TCEA1: variants seen among roughly 807,000 people sequenced by gnomAD.
The protein encoded by TCEA1 is transcription elongation factor A protein 1.
TCEA1 carries 21 observed loss-of-function variants against 43.8 expected under a neutral mutation model. That is an observed-to-expected ratio of 0.48 (90% CI 0.34 to 0.69). The LOEUF is 0.69. TCEA1 is among the 30% of genes least tolerant of loss of function. The pLI is 0.01. For missense variants in TCEA1, 250 were observed against 365.1 expected (o/e 0.68, Z 2.57); for synonymous variants, 104 against 117.5 (o/e 0.88, Z 0.75).
rs370916944 is a variant in TCEA1, at chr8:54,022,434, G to A, written c.-309C>T. The A allele has an allele frequency of 1.0e-3, 453 of 444,730 alleles. 4 individuals are homozygous for A. In the East Asian group the frequency reaches 0.017, roughly 17 times the overall value. 27.5% of individuals were successfully genotyped at this position (444,730 alleles called of 1,614,324 possible). A position where few individuals can be genotyped will look rare whatever the true frequency, so the allele number is the denominator to read the frequency against. ...AGGCGGGCGTCGGGCTAGTGGGCAG[G>A]CGTGGCTTCCGGCTAGAGGGTCGTG... On this transcript the variant is annotated 5_prime_UTR_variant, in exon 1 of 10. Coordinates refer to ENST00000521604, the MANE Select transcript of TCEA1 (RefSeq NM_006756.4).
At chr8:53,971,712 G>T in intron 8 of TCEA1, 1 of 202,812 alleles carries the variant, frequency 4.9e-6, no homozygotes. Flanking sequence ...TTCAGATTCT[G>T]ATTCTGATCT....
chr8:54,010,062 G>T, intron 2 of TCEA1: 1 of 201,280 alleles, frequency 5.0e-6, no homozygotes, highest in Non-Finnish European at 9.9e-6. Flanking sequence ...AGGGAGAGGA[G>T]CGACACCTTG....
intron 8 of TCEA1, chr8:53,973,251 A>G: frequency 2.1e-6 from 1 of 477,964 alleles, no homozygotes; most frequent in Non-Finnish European, 3.9e-6. Flanking sequence ...GACAAAGAAA[A>G]TGATATGGAA....
intron 2 of TCEA1, among the ~76,000 whole-genome samples, chr8:54,004,398 AAAC>A (rs1201882043): frequency 1.3e-5 from 2 of 152,250 alleles, no homozygotes; most frequent in Non-Finnish European, 2.9e-5. Context: ...ACAAATGGAT[AAAC>A]AACATGTGAA....
At position 53,988,116 on chromosome 8, in the gene TCEA1, C is replaced by T. The variant is rs200590980; in HGVS notation, c.464G>A (p.Gly155Glu). The T allele has an allele frequency of 2.5e-6, 4 of 1,610,628 alleles. No homozygotes were observed. Among genetic ancestry groups the T allele is most frequent in the South Asian group, 2.2e-5 (2 of 90,678 alleles). ...GAAATAACATGCACTGGACTTACCCCCTGTTCGAAGAGCTGCAGCAAGCAT... is the reference window on the plus strand; with the variant it reads ...GAAATAACATGCACTGGACTTACCCTCTGTTCGAAGAGCTGCAGCAAGCAT... ...REMLAAALRT[G>E]DDYIAIGADE... The change falls in exon 5 of 10, where the codon GGG (glycine) becomes GAG (glutamate). Residue 155 changes from glycine to glutamate, a missense_variant and splice_region_variant. By Grantham distance (98) the Gly-to-Glu change is moderately conservative. This residue lies in a region of TCEA1 where 147 missense variants were observed against 160.3 expected (regional missense o/e 0.92). Coordinates refer to ENST00000521604, the MANE Select transcript of TCEA1 (RefSeq NM_006756.4).
intron 7 of TCEA1, 101 bp from the exon 8 acceptor site, chr8:53,979,272 C>A (rs1452921300): frequency 2.0e-5 from 25 of 1,261,396 alleles, no homozygotes; most frequent in Non-Finnish European, 2.7e-5. Flanking sequence ...AACCACATAT[C>A]AACCTTTAAG....
chr8:54,020,332 G>C (rs1018293419), intron 1 of TCEA1, among the ~76,000 whole-genome samples: 7 of 152,174 alleles, frequency 4.6e-5, no homozygotes, highest in African/African-American at 1.7e-4. Context: ...AGAATTTGAA[G>C]TGGGAAATGA....
intron 3 of TCEA1, among the ~76,000 whole-genome samples, chr8:53,997,163 C>T (rs1804086790): frequency 6.6e-6 from 1 of 152,060 alleles, no homozygotes; most frequent in Admixed American, 6.6e-5. Flanking sequence ...CTGCCTCAGC[C>T]TCCCAAAGTG....
intron 8 of TCEA1, among the ~76,000 whole-genome samples, chr8:53,976,092 A>C (rs978653418): frequency 1.3e-5 from 2 of 152,214 alleles, no homozygotes; most frequent in African/African-American, 2.4e-5. Flanking sequence ...TATTAAAGTT[A>C]AATGTTATTC....
At chr8:53,998,842 G>A (rs545136199) in intron 3 of TCEA1, among the ~76,000 whole-genome samples, 16 of 152,238 alleles carry the variant, frequency 1.1e-4, no homozygotes, top group African/African-American at 3.9e-4. Flanking sequence ...CTGCCTTGGG[G>A]GGAAAACAAA....
At chr8:53,972,128 G>A (rs1023040170) in intron 8 of TCEA1, 10 of 290,140 alleles carry the variant, frequency 3.4e-5, no homozygotes, top group South Asian at 7.1e-5. Flanking sequence ...CATCCATAAC[G>A]GCAAGTGGCA....
At position 53,999,923 on chromosome 8, in the gene TCEA1, TGTAAG is replaced by T; in HGVS notation, c.232+17_232+21del. ...AATAAATCACAACATCATAAATATA[TGTAAG>T]GGAAGATCAATGATACCTAATAATT... On this transcript the variant is annotated intron_variant, in intron 3 of 9. Transcript: ENST00000521604. 7.3e-7 allele frequency: 1 copy of T among 1,373,472 alleles called. No individual in the cohort carries two copies. Among genetic ancestry groups the T allele is most frequent in the Non-Finnish European group, 1.0e-6 (1 of 975,828 alleles). 85.1% of individuals were successfully genotyped at this position (1,373,472 alleles called of 1,614,324 possible). A position where few individuals can be genotyped will look rare whatever the true frequency, so the allele number is the denominator to read the frequency against.
At chr8:54,009,075 C>T (rs1044468363) in intron 2 of TCEA1, among the ~76,000 whole-genome samples, 3 of 151,744 alleles carry the variant, frequency 2.0e-5, no homozygotes, top group Non-Finnish European at 4.4e-5. Flanking sequence ...GTCTTGAACT[C>T]CTAGCCTCAG....
intron 1 of TCEA1, among the ~76,000 whole-genome samples, chr8:54,021,263 G>A (rs1051623294): frequency 2.0e-5 from 3 of 152,212 alleles, no homozygotes; most frequent in Non-Finnish European, 4.4e-5. Flanking sequence ...TGGGCAAGCT[G>A]TAGAAACTGG....
At chr8:53,996,596 A>T (rs1007839921) in intron 3 of TCEA1, among the ~76,000 whole-genome samples, 33 of 152,256 alleles carry the variant, frequency 2.2e-4, no homozygotes, top group African/African-American at 8.0e-4. Flanking sequence ...GACATTAGTT[A>T]CAACCACCAT....
chr8:53,999,029 C>A (rs1804160771), intron 3 of TCEA1, among the ~76,000 whole-genome samples: 1 of 152,054 alleles, frequency 6.6e-6, no homozygotes, highest in Non-Finnish European at 1.5e-5. Context: ...GTGATCGAGA[C>A]CACCCTGGCT....
intron 8 of TCEA1, among the ~76,000 whole-genome samples, chr8:53,977,700 G>C (rs891078364): frequency 5.9e-5 from 9 of 152,066 alleles, no homozygotes. Flanking sequence ...ATGAAATTAA[G>C]ACAGTGATAA....
At chr8:53,969,047 TCGGAGGCCAAGGCAGG>T (rs1384247798) in intron 9 of TCEA1, among the ~76,000 whole-genome samples, 1 of 152,168 alleles carries the variant, frequency 6.6e-6, no homozygotes, top group Non-Finnish European at 1.5e-5. Flanking sequence ...CCCAGCACTT[TCGGAGGCCAAGGCAGG>T]CAGATAACCT....
At chr8:53,987,107 C>T in intron 5 of TCEA1, 82 bp from the exon 6 acceptor site, 1 of 1,175,306 alleles carries the variant, frequency 8.5e-7, no homozygotes, top group Non-Finnish European at 1.2e-6. Flanking sequence ...AACTGCATTC[C>T]TATTTCTTAA....
Sources: gnomAD v4.1 joint callset for allele counts (sites outside exome capture counted in the v4.1 genomes callset) on GRCh38, gnomAD v4.1.1 for gene constraint, gnomAD v4.1.1 regional missense constraint, MANE v1.5 for transcripts, NCBI Gene and HGNC (gene_info 2026-07-23, HGNC 2026-07-21) for gene names.